Variants in UBP1 observed in about 807,000 individuals in gnomAD.
The protein encoded by UBP1 is upstream binding protein 1, also known as upstream-binding protein 1.
A neutral mutation model predicts 76.1 loss-of-function variants in UBP1; 22 were observed. The observed-to-expected ratio is 0.29, with a 90% CI of 0.21 to 0.41. The LOEUF is 0.41. Ranked by LOEUF, UBP1 falls within the 10% of genes least tolerant of loss-of-function variation. UBP1 has a pLI of 1.00. For missense variants in UBP1, 436 were observed against 668.1 expected (o/e 0.65, Z 3.83); for synonymous variants, 224 against 237.1 (o/e 0.94, Z 0.51).
intron 1 of UBP1, among the ~76,000 whole-genome samples, chr3:33,430,517 G>C (rs2045095216): frequency 6.6e-6 from 1 of 152,168 alleles, no homozygotes; most frequent in African/African-American, 2.4e-5. Context: ...CAAGACTCTA[G>C]AAGCAAAAAC....
rs2043990835 is a variant in UBP1 at position 33,396,277 on chromosome 3, C to T, written c.1275G>A (p.Ser425=). 2.2e-5 allele frequency: 34 copies of T among 1,572,312 alleles called. No individual in the cohort carries two copies. Among genetic ancestry groups the T allele is most frequent in the South Asian group, 3.4e-5 (3 of 87,982 alleles). Residue 425 remains serine (S), a synonymous_variant, in exon 13 of 16, where the codon TCG becomes TCA. Coordinates refer to ENST00000283629, the MANE Select transcript of UBP1 (RefSeq NM_014517.5). ...CATAGATGGTTAAACGGGGTCTAAC[C>T]GACCTGCAATCAGAAGATGCCACTG... ...IRLYNSLKSR[S]VRPRLTIYVC...
chr3:33,403,738 G>A (rs2044332394), intron 8 of UBP1: 1 of 152,206 alleles, frequency 6.6e-6, no homozygotes, highest in African/African-American at 2.4e-5. Flanking sequence ...GGTTGAAAAA[G>A]TCAGTCAAAA....
At chr3:33,412,632 C>A (rs1386568458) in intron 4 of UBP1, 90 bp downstream of exon 4, 1 of 852,638 alleles carries the variant, frequency 1.2e-6, no homozygotes, top group South Asian at 1.6e-5. Flanking sequence ...ACTTTCCCCA[C>A]ACAAGTAATT....
At chr3:33,435,743 T>A (rs924509931) in intron 1 of UBP1, among the ~76,000 whole-genome samples, 1 of 152,288 alleles carries the variant, frequency 6.6e-6, no homozygotes, top group Admixed American at 6.5e-5. Flanking sequence ...GGAAAACCAC[T>A]TGGCAACACA....
At position 33,390,909 on chromosome 3, in the gene UBP1, T is replaced by TA. The variant is rs200535929; in HGVS notation, c.1586-542dup. ...TGATTTTTCTCATGACGACAAAGTT[T>TA]AAAAAAAAAAACAAAACAGTAAATT... On this transcript the variant is annotated intron_variant, in intron 15 of 15. Transcript: ENST00000283629. 7.2e-3 allele frequency: 1,048 copies of TA among 146,166 alleles called. 44 individuals are homozygous for TA. In the East Asian group the frequency reaches 0.13, roughly 18 times the overall value. The allele number at this position is 146,166 out of a possible 1,614,324, so 9.1% of individuals were successfully genotyped here.
At chr3:33,434,289 C>CT (rs371209882) in intron 1 of UBP1, among the ~76,000 whole-genome samples, 2,559 of 101,252 alleles carry the variant, frequency 0.025, 144 homozygotes, top group African/African-American at 0.035. Context: ...TCAGCAAATC[C>CT]TTTTTTTTTT....
chr3:33,433,886 T>C (rs1378801648), intron 1 of UBP1, among the ~76,000 whole-genome samples: 1 of 151,838 alleles, frequency 6.6e-6, no homozygotes, highest in Admixed American at 6.6e-5. Flanking sequence ...AAATAGCCAC[T>C]GCACTCCAGC....
rs750641525 is a variant in UBP1 at position 33,390,289 on chromosome 3, G to A, written c.*42C>T. 17 of 1,585,742 alleles carry A rather than the reference G, an allele frequency of 1.1e-5. No individual in the cohort carries two copies. The East Asian group carries it at 1.3e-4, about 13-fold the overall frequency. On this transcript the variant is annotated 3_prime_UTR_variant, in exon 16 of 16. Transcript: ENST00000283629. Reference sequence around the variant, plus strand: ...ATTCAGTCTTCACACACTTTTAAGCGTGACTATTTGGTACTGAATACAGTT... The same window carrying A: ...ATTCAGTCTTCACACACTTTTAAGCATGACTATTTGGTACTGAATACAGTT...
At chr3:33,392,383 C>CTCCT in intron 15 of UBP1, 180 bp downstream of exon 15, 2 of 548,772 alleles carry the variant, frequency 3.6e-6, no homozygotes, top group Non-Finnish European at 6.1e-6. Context: ...GAAAGACTGA[C>CTCCT]TCCTCTTCCT....
chr3:33,392,228 A>G (rs528784482), intron 15 of UBP1: 47 of 213,476 alleles, frequency 2.2e-4, no homozygotes, highest in African/African-American at 9.2e-4. Context: ...CTCTTGGCCA[A>G]TTTTGGTTTG....
chr3:33,401,539 T>A (rs590876), intron 9 of UBP1, among the ~76,000 whole-genome samples: 93,546 of 152,076 alleles, frequency 0.62, 29,830 homozygotes, highest in Non-Finnish European at 0.71. Context: ...ACTATCCTTG[T>A]GCTTCTAAGT....
rs1216641828 is a variant in UBP1 at position 33,390,140 on chromosome 3, G to A, written c.*191C>T. On this transcript the variant is annotated 3_prime_UTR_variant, in exon 16 of 16. Transcript: ENST00000283629. Reference sequence around the variant, plus strand: ...TGTGCCGATGTGCTCACTCTCATGAGGATGCTTGGCTATGGCAGTGACAGT... The same window carrying A: ...TGTGCCGATGTGCTCACTCTCATGAAGATGCTTGGCTATGGCAGTGACAGT... The A allele has an allele frequency of 1.3e-5, 8 of 611,172 alleles. No homozygotes were observed. The highest frequency in any genetic ancestry group is 1.1e-4 in the South Asian group (5 of 43,534). The allele number at this position is 611,172 out of a possible 1,614,324, so 37.9% of individuals were successfully genotyped here.
intron 11 of UBP1, among the ~76,000 whole-genome samples, chr3:33,399,926 A>G (rs2154055831): frequency 6.6e-6 from 1 of 152,352 alleles, no homozygotes; most frequent in Middle Eastern, 3.4e-3. Context: ...ATGTAAAACT[A>G]TATACACCTA....
chr3:33,401,576 G>A (rs1008288290), intron 9 of UBP1, among the ~76,000 whole-genome samples: 7 of 152,210 alleles, frequency 4.6e-5, no homozygotes, highest in Admixed American at 1.3e-4. Context: ...CAGCTCCACA[G>A]GGAATAGGGC....
At position 33,416,807 on chromosome 3, in the gene UBP1, T is replaced by C; in HGVS notation, c.293A>G (p.Asp98Gly). Residue 98 changes from aspartate (D) to glycine (G), a missense_variant, in exon 3 of 16, where the codon GAT (aspartate) becomes GGT (glycine). Physicochemically the swap from Asp to Gly is moderately conservative, Grantham distance 94. Around this residue, in one of 3 missense-constraint regions of UBP1, gnomAD observed 161 missense variants for 237.9 expected, o/e 0.68. Coordinates refer to ENST00000283629, the MANE Select transcript of UBP1 (RefSeq NM_014517.5). ...QGQSYEIRML[D>G]NRKMGDMPEI... is the part of the protein sequence containing the mutation. ...AGGCATATCACCCATTTTCCGATTA[T>C]CCAGCATCCGAATTTCATATGACTG... The C allele has an allele frequency of 1.9e-6, 3 of 1,613,724 alleles. No homozygotes were observed. Among genetic ancestry groups the C allele is most frequent in the Non-Finnish European group, 2.5e-6 (3 of 1,179,736 alleles).
intron 2 of UBP1, among the ~76,000 whole-genome samples, chr3:33,420,474 T>C (rs1024834939): frequency 2.0e-5 from 3 of 148,932 alleles, no homozygotes; most frequent in Non-Finnish European, 4.4e-5. Context: ...GACAGGTGTG[T>C]GCCACCATAC....
At chr3:33,430,430 A>G (rs1005690403) in intron 1 of UBP1, among the ~76,000 whole-genome samples, 26 of 152,340 alleles carry the variant, frequency 1.7e-4, no homozygotes, top group Middle Eastern at 3.4e-3. Flanking sequence ...AAGCAAGTGA[A>G]AAGACTTAGG....
At chr3:33,413,351 T>C (rs910560488) in intron 3 of UBP1, among the ~76,000 whole-genome samples, 4 of 150,856 alleles carry the variant, frequency 2.7e-5, no homozygotes, top group South Asian at 2.1e-4. Context: ...ATTGGGACCA[T>C]CCTGGCTAAC....
chr3:33,407,750 G>T (rs1176999825), intron 8 of UBP1, among the ~76,000 whole-genome samples: 1 of 152,178 alleles, frequency 6.6e-6, no homozygotes, highest in Admixed American at 6.5e-5. Flanking sequence ...TGCGATATGT[G>T]TAAGAATGAA....
Sources: allele counts gnomAD v4.1 joint callset (sites outside exome capture counted in the v4.1 genomes callset), GRCh38; gene constraint gnomAD v4.1.1; regional missense constraint gnomAD v4.1.1; transcripts MANE v1.5; gene names NCBI Gene and HGNC (gene_info 2026-07-23, HGNC 2026-07-21).